Variants in INF2 observed in about 807,000 individuals in gnomAD.
INF2 encodes the protein inverted formin 2, also known as inverted formin-2.
INF2 carries 43 observed loss-of-function variants against 123.5 expected under a neutral mutation model. The observed-to-expected ratio is 0.35, with a 90% CI of 0.27 to 0.45. The LOEUF is 0.45. INF2 is among the 20% of genes least tolerant of loss of function. INF2 has a pLI of 1.00. For synonymous variants in INF2, 851 were observed against 745.0 expected, an observed-to-expected ratio of 1.14 and a Z score of -2.32; for missense variants, 1,453 against 1,682.7, an observed-to-expected ratio of 0.86 and a Z score of 2.39.
intron 2 of INF2, among the ~76,000 whole-genome samples, chr14:104,702,465 A>G (rs1056292855): frequency 1.4e-5 from 2 of 147,538 alleles, no homozygotes; most frequent in African/African-American, 5.4e-5. Flanking sequence ...CTTGAGAGAA[A>G]CCCTTGCTGT....
chr14:104,694,352 CTT>C (rs1203520597), intron 1 of INF2, among the ~76,000 whole-genome samples: 1 of 152,260 alleles, frequency 6.6e-6, no homozygotes, highest in Non-Finnish European at 1.5e-5. Context: ...CGCTGAGGAT[CTT>C]GTTTGCCCAG....
At chr14:104,709,510 T>C in intron 11 of INF2, 110 bp from the exon 12 acceptor site, 1 of 1,300,164 alleles carries the variant, frequency 7.7e-7, no homozygotes, top group Non-Finnish European at 1.1e-6. Context: ...CCCTGAACCG[T>C]GAGCCACAGG....
chr14:104,700,218 A>G (rs1460482939), intron 1 of INF2, among the ~76,000 whole-genome samples: 1 of 152,188 alleles, frequency 6.6e-6, no homozygotes. Flanking sequence ...CTCCAGTCAC[A>G]GCCCAGCCGT....
chr14:104,713,004 C>T lies in INF2; in HGVS notation c.2775+12C>T, dbSNP rs200236783. On this transcript the variant is annotated intron_variant, in intron 18 of 22. Transcript: ENST00000392634. ...TCCGCGCCCTGAAGGTGGGGCAGCCCGGCGGGACACAGCCTGTCTGGCTAG... is the reference window on the plus strand; with the variant it reads ...TCCGCGCCCTGAAGGTGGGGCAGCCTGGCGGGACACAGCCTGTCTGGCTAG... 23 of 1,611,966 alleles carry T rather than the reference C, an allele frequency of 1.4e-5. No homozygotes were observed. The highest frequency in any genetic ancestry group is 8.3e-5 in the Admixed American group (5 of 60,020).
intron 18 of INF2, 26 bp downstream of exon 18, chr14:104,713,018 C>G: frequency 6.2e-7 from 1 of 1,611,646 alleles, no homozygotes; most frequent in South Asian, 1.1e-5. Context: ...GGGACACAGC[C>G]TGTCTGGCTA....
At chr14:104,708,868 C>A in intron 10 of INF2, 136 bp downstream of exon 10, 2 of 971,092 alleles carry the variant, frequency 2.1e-6, no homozygotes, top group South Asian at 2.6e-5. Flanking sequence ...GGATTGTAGG[C>A]GGGTAATAGC....
chr14:104,718,598 G>T (rs1187290974), intron 22 of INF2, among the ~76,000 whole-genome samples, 197 bp from the exon 23 acceptor site: 1 of 152,204 alleles, frequency 6.6e-6, no homozygotes, highest in African/African-American at 2.4e-5. Context: ...GGCCAGGCCA[G>T]CCCGGCACCT....
intron 6 of INF2, 98 bp downstream of exon 6, chr14:104,706,274 C>T: frequency 1.5e-6 from 2 of 1,293,078 alleles, no homozygotes; most frequent in African/African-American, 1.5e-5. Flanking sequence ...CTGCCCTGGT[C>T]AGACCCTGCT....
At chr14:104,686,565 CACTT>C (rs372612894), upstream of INF2, among the ~76,000 whole-genome samples, 3 of 152,056 alleles carry the variant, frequency 2.0e-5, no homozygotes, top group Admixed American at 6.6e-5. Flanking sequence ...GGCATGTTTT[CACTT>C]ACTTCATTCT....
rs1197553983 is a variant in INF2 at position 104,710,947 on chromosome 14, C to A, written c.2250C>A (p.Thr750=). Residue 750 remains threonine (T), a synonymous_variant, in exon 14 of 23, where the codon ACC becomes ACA. Transcript: ENST00000392634. ...LVLAACESLL[T]SRQLPIFCQL... ...TGGCTGCCCCTGCAGGCCTGCTCAC[C>A]AGCCGCCAGCTGCCCATCTTCTGCC... 3 of 1,612,432 alleles carry A rather than the reference C, an allele frequency of 1.9e-6. No homozygotes were observed. The highest frequency in any genetic ancestry group is 2.5e-6 in the Non-Finnish European group (3 of 1,179,756).
chr14:104,714,984 G>A (rs1287061279), intron 21 of INF2, 128 bp downstream of exon 21: 18 of 1,032,524 alleles, frequency 1.7e-5, no homozygotes, highest in South Asian at 5.0e-5. Context: ...GGTGCGGCAC[G>A]GGAGAGGAGG....
intron 10 of INF2, 41 bp from the exon 11 acceptor site, chr14:104,709,240 C>A (rs755368615): frequency 6.8e-7 from 1 of 1,480,552 alleles, no homozygotes; most frequent in Admixed American, 1.7e-5. Flanking sequence ...GGGGGTGACT[C>A]ATGATTCACT....
Position 104,712,825 on chromosome 14 carries a change from C to G in INF2, c.2611-3C>G. On this transcript the variant is annotated splice_polypyrimidine_tract_variant and splice_region_variant and intron_variant, in intron 17 of 22. Transcript: ENST00000392634. ...CGGGACTGTCACGTGCCCTTGCCCCCAGGCCAGCATCTCGGCCTTCCGGGC... is the reference window on the plus strand; with the variant it reads ...CGGGACTGTCACGTGCCCTTGCCCCGAGGCCAGCATCTCGGCCTTCCGGGC... The G allele has an allele frequency of 1.2e-6, 2 of 1,607,886 alleles. No homozygotes were observed. The highest frequency in any genetic ancestry group is 1.7e-6 in the Non-Finnish European group (2 of 1,176,582).
chr14:104,710,910 C>A (rs1330665110), intron 13 of INF2, 27 bp from the exon 14 acceptor site: 3 of 1,607,596 alleles, frequency 1.9e-6, no homozygotes, highest in East Asian at 2.2e-5. Flanking sequence ...ACCAAGAGCC[C>A]CTCTCCAGCC....
At chr14:104,711,302 C>T (rs970665623) in intron 15 of INF2, 116 bp downstream of exon 15, 8 of 899,956 alleles carry the variant, frequency 8.9e-6, no homozygotes, top group East Asian at 2.7e-5. Context: ...GTCTCCCTGT[C>T]TCAGGGCTCC....
intron 1 of INF2, among the ~76,000 whole-genome samples, chr14:104,695,490 C>T (rs1889144437): frequency 6.6e-6 from 1 of 152,106 alleles, no homozygotes; most frequent in African/African-American, 2.4e-5. Flanking sequence ...AGGCCCTGCA[C>T]ACCCTCAGTG....
intron 21 of INF2, 85 bp downstream of exon 21, chr14:104,714,941 C>T (rs1890224059): frequency 1.5e-6 from 2 of 1,358,524 alleles, no homozygotes; most frequent in African/African-American, 2.9e-5. Context: ...TTGGGCACTG[C>T]AAGTTCCAGC....
rs1888603962 is a variant in INF2, at chr14:104,684,170, G to A, written c.-104+2588G>A. 1 of 455,694 alleles carries A rather than the reference G, an allele frequency of 2.2e-6. No homozygotes were observed. The highest frequency in any genetic ancestry group is 1.5e-5 in the South Asian group (1 of 64,530). The allele number at this position is 455,694 out of a possible 1,614,324, so 28.2% of individuals were successfully genotyped here. Reference sequence around the variant, plus strand: ...GCAAGTAACCTGCGTGCCGCCACGGGAAACAGCACGCATCCCATCTGGACT... The same window carrying A: ...GCAAGTAACCTGCGTGCCGCCACGGAAAACAGCACGCATCCCATCTGGACT... On this transcript the variant is annotated intron_variant, in intron 1 of 2. Coordinates refer to the INF2 transcript ENST00000674723. This position sits in a 1 kb window ranked among gnomAD's most constrained non-coding sequence, Gnocchi z 5.0.
chr14:104,689,166 T>C (rs1566770858), upstream of INF2: 2 of 978,874 alleles, frequency 2.0e-6, no homozygotes, highest in Middle Eastern at 5.2e-4. Context: ...GGAAGAGCCA[T>C]CTCTGCTGAG....
Sources: gnomAD v4.1 joint callset for allele counts (sites outside exome capture counted in the v4.1 genomes callset) on GRCh38, gnomAD v4.1.1 for gene constraint, Gnocchi (gnomAD v3.1) non-coding constraint, MANE v1.5 for transcripts, NCBI Gene and HGNC (gene_info 2026-07-23, HGNC 2026-07-21) for gene names.